PPFIA2: variants seen among roughly 807,000 people sequenced by gnomAD.
The protein encoded by PPFIA2 is liprin-alpha-2.
Under a neutral mutation model 175.5 loss-of-function variants are expected in PPFIA2, and 46 were observed. That is an observed-to-expected ratio of 0.26 (90% CI 0.21 to 0.34). PPFIA2 has a LOEUF of 0.34. Among genes scored for constraint, PPFIA2 ranks in the 10% least tolerant of loss-of-function variants. The pLI is 1.00. For synonymous variants in PPFIA2, 568 were observed against 511.4 expected, an observed-to-expected ratio of 1.11 and a Z score of -1.49; for missense variants, 1,179 against 1,506.1, an observed-to-expected ratio of 0.78 and a Z score of 3.60.
intron 25 of PPFIA2, 130 bp downstream of exon 25, chr12:81,284,111 T>A (rs560812631): frequency 1.4e-6 from 1 of 692,580 alleles, no homozygotes; most frequent in South Asian, 1.9e-5. Flanking sequence ...GTAAAAAATG[T>A]TAGTTATCAT....
At chr12:81,644,885 A>G (rs1276670208) in intron 4 of PPFIA2, among the ~76,000 whole-genome samples, 1 of 152,100 alleles carries the variant, frequency 6.6e-6, no homozygotes, top group Non-Finnish European at 1.5e-5. Context: ...TAAATGCTAA[A>G]AGTATAAAAC....
intron 3 of PPFIA2, among the ~76,000 whole-genome samples, chr12:81,688,195 C>A (rs1364549851): frequency 1.3e-5 from 2 of 151,870 alleles, no homozygotes; most frequent in Admixed American, 6.6e-5. Flanking sequence ...ACATTAAAAA[C>A]TATGTATTGG....
At chr12:81,570,524 T>C (rs1012767662) in intron 4 of PPFIA2, among the ~76,000 whole-genome samples, 2 of 152,108 alleles carry the variant, frequency 1.3e-5, no homozygotes, top group Non-Finnish European at 2.9e-5. Context: ...CATGACTCTT[T>C]AAAAATTATC....
chr12:81,574,809 C>T (rs2073213091), intron 4 of PPFIA2, among the ~76,000 whole-genome samples: 1 of 151,590 alleles, frequency 6.6e-6, no homozygotes, highest in Non-Finnish European at 1.5e-5. Flanking sequence ...TTATGGTTCA[C>T]CTTACTCTTA....
chr12:81,699,142 A>C (rs1418153786), intron 3 of PPFIA2, among the ~76,000 whole-genome samples: 1 of 152,126 alleles, frequency 6.6e-6, no homozygotes, highest in African/African-American at 2.4e-5. Context: ...AAATTACTAA[A>C]GGAGATATAG....
chr12:81,437,484 C>G (rs780652322), intron 7 of PPFIA2, among the ~76,000 whole-genome samples: 1 of 152,138 alleles, frequency 6.6e-6, no homozygotes, highest in South Asian at 2.1e-4. Flanking sequence ...CCACCCGCCT[C>G]GGCCTCCCAA....
chr12:81,656,877 G>A (rs187326706), intron 4 of PPFIA2, among the ~76,000 whole-genome samples: 4 of 151,728 alleles, frequency 2.6e-5, no homozygotes, highest in African/African-American at 7.2e-5. Context: ...TTTAATAGCC[G>A]ATCATAAAAT....
At chr12:81,537,159 T>C (rs186632329) in intron 4 of PPFIA2, among the ~76,000 whole-genome samples, 2 of 151,724 alleles carry the variant, frequency 1.3e-5, no homozygotes, top group Admixed American at 1.3e-4. Flanking sequence ...AAATTTAATA[T>C]GGAACACTTG....
chr12:81,289,694 A>G (rs906748359), intron 24 of PPFIA2, among the ~76,000 whole-genome samples: 5 of 152,016 alleles, frequency 3.3e-5, no homozygotes, highest in South Asian at 2.1e-4. Context: ...TCCAGATAAG[A>G]TTATCTAAAA....
chr12:81,338,079 A>G (rs1376951250), intron 21 of PPFIA2, among the ~76,000 whole-genome samples: 1 of 152,152 alleles, frequency 6.6e-6, no homozygotes, highest in Non-Finnish European at 1.5e-5. Context: ...GAAGCCAGGA[A>G]AGGCATTTTT....
intron 4 of PPFIA2, among the ~76,000 whole-genome samples, chr12:81,580,385 T>A (rs2074226230): frequency 6.6e-6 from 1 of 151,726 alleles, no homozygotes; most frequent in African/African-American, 2.4e-5. Flanking sequence ...CTATAAGGAT[T>A]CCATACTAAT....
At chr12:81,347,849 T>G in intron 17 of PPFIA2, 79 bp from the exon 18 acceptor site, 1 of 1,528,974 alleles carries the variant, frequency 6.5e-7, no homozygotes, top group Non-Finnish European at 8.7e-7. Flanking sequence ...ATCATTGGAA[T>G]TCACATAATA....
chr12:81,268,068 A>G lies in PPFIA2; in HGVS notation c.3330T>C (p.Asn1110=). Residue 1110 remains asparagine (N), a synonymous_variant, in exon 29 of 33, where the codon AAT becomes AAC. Transcript: ENST00000549396. ...HEIKDVLVWS[N]DRVIRWIQAI... ...CTTGTATCCAGCGAATAACTCGGTC[A>G]TTGCTCCACACCAACACGTCTAGGA... The G allele has an allele frequency of 6.3e-7, 1 of 1,594,686 alleles. No homozygotes were observed. Among genetic ancestry groups the G allele is most frequent in the South Asian group, 1.1e-5 (1 of 88,170 alleles).
chr12:81,498,621 ATTAT>A (rs752470863), intron 4 of PPFIA2, among the ~76,000 whole-genome samples: 5 of 151,796 alleles, frequency 3.3e-5, no homozygotes, highest in African/African-American at 7.3e-5. Context: ...TTATTTATTC[ATTAT>A]TTATTTATTT....
chr12:81,348,733 A>T (rs2059502208), intron 17 of PPFIA2, among the ~76,000 whole-genome samples: 1 of 152,196 alleles, frequency 6.6e-6, no homozygotes, highest in South Asian at 2.1e-4. Flanking sequence ...GAGAAAAAAA[A>T]TTATATAAAT....
chr12:81,451,428 T>C (rs1332487919), intron 5 of PPFIA2, among the ~76,000 whole-genome samples: 1 of 152,012 alleles, frequency 6.6e-6, no homozygotes, highest in Non-Finnish European at 1.5e-5. Context: ...GGAACCATGC[T>C]GGGAAGGGGT....
chr12:81,322,644 A>C (rs192373650), intron 22 of PPFIA2, among the ~76,000 whole-genome samples: 1 of 152,196 alleles, frequency 6.6e-6, no homozygotes, highest in East Asian at 1.9e-4. Context: ...TATGGAATTG[A>C]TGCTTTAAAG....
At chr12:81,756,415 A>G (rs1462133749) in intron 2 of PPFIA2, among the ~76,000 whole-genome samples, 1 of 152,138 alleles carries the variant, frequency 6.6e-6, no homozygotes, top group African/African-American at 2.4e-5. Flanking sequence ...TAATATCCTA[A>G]CAATCCCTCA....
chr12:81,303,491 A>G (rs1254030881), intron 22 of PPFIA2, among the ~76,000 whole-genome samples: 1 of 152,196 alleles, frequency 6.6e-6, no homozygotes, highest in African/African-American at 2.4e-5. Flanking sequence ...TGCAAGAAAC[A>G]GTTATTTTGA....
Sources: allele counts gnomAD v4.1 joint callset (sites outside exome capture counted in the v4.1 genomes callset), GRCh38; gene constraint gnomAD v4.1.1; transcripts MANE v1.5; gene names NCBI Gene and HGNC (gene_info 2026-07-23, HGNC 2026-07-21).